Variants in OPRM1 observed in about 807,000 individuals in gnomAD.
OPRM1 encodes the protein mu-type opioid receptor.
Under a neutral mutation model 31.8 loss-of-function variants are expected in OPRM1, and 27 were observed. That is an observed-to-expected ratio of 0.85 (90% CI 0.63 to 1.17). The LOEUF (loss-of-function observed/expected upper bound fraction) is 1.17, where lower values mean the gene tolerates loss of function less well. Ranked by LOEUF, OPRM1 falls within the 50% of genes most tolerant of loss-of-function variation. OPRM1 has a pLI of 0.00. For missense variants in OPRM1, 536 were observed against 511.1 expected, an observed-to-expected ratio of 1.05 and a Z score of -0.47; for synonymous variants, 196 against 189.9, an observed-to-expected ratio of 1.03 and a Z score of -0.26.
intron 3 of OPRM1, among the ~76,000 whole-genome samples, chr6:154,161,649 A>G (rs1361407657): frequency 6.6e-6 from 1 of 152,152 alleles, no homozygotes; most frequent in Non-Finnish European, 1.5e-5. Context: ...GCCCTCTGAG[A>G]ACTTACCGAG....
chr6:154,229,403 G>A (rs1197004168), intron 3 of OPRM1, among the ~76,000 whole-genome samples: 1 of 135,750 alleles, frequency 7.4e-6, no homozygotes, highest in Non-Finnish European at 1.5e-5. Flanking sequence ...AGGCTGGACT[G>A]CAGTGGCGCG....
In OPRM1 at chr6:154,055,096, T is replaced by C. The variant is rs1782977260; in HGVS notation, c.290+15262T>C. 2.0e-5 allele frequency among the ~76,000 whole-genome samples: 3 copies of C among 152,320 alleles called. No homozygotes were observed. The South Asian group carries it at 6.2e-4, about 32-fold the overall frequency. On this transcript the variant is annotated intron_variant, in intron 1 of 3. Coordinates refer to ENST00000330432, the MANE Select transcript of OPRM1 (RefSeq NM_000914.5). ...ATATGTGGTCAACTCTAAAGTGCTCTGTAAAGCTTGGCTGGGCGCATTGGC... is the reference window on the plus strand; with the variant it reads ...ATATGTGGTCAACTCTAAAGTGCTCCGTAAAGCTTGGCTGGGCGCATTGGC...
chr6:154,180,416 T>TATATA lies in OPRM1; in HGVS notation c.1165-66277_1165-66276insATATA, dbSNP rs1562526757. Among the ~76,000 whole-genome samples the TATATA allele has an allele frequency of 1.7e-3, 89 of 51,090 alleles. 1 individual carries two copies. In the Middle Eastern group the frequency reaches 0.035, roughly 20 times the overall value. The allele number at this position is 51,090 out of a possible 152,430, so 33.5% of individuals were successfully genotyped here. ...TATATATATATATATATATATATAT[T>TATATA]TTTTTTTTAAACATGATCCTTCTTG... On this transcript the variant is annotated intron_variant, in intron 3 of 3. Transcript: ENST00000337049.
chr6:154,197,694 C>G (rs969696160), intron 3 of OPRM1, among the ~76,000 whole-genome samples: 1 of 152,228 alleles, frequency 6.6e-6, no homozygotes, highest in African/African-American at 2.4e-5. Context: ...GGAACAAGGA[C>G]TGTTGCATCT....
chr6:154,245,864 T>A (rs1780992834), intron 3 of OPRM1, among the ~76,000 whole-genome samples: 1 of 152,214 alleles, frequency 6.6e-6, no homozygotes, highest in Admixed American at 6.5e-5. Flanking sequence ...TCACGAAAGA[T>A]CAGCACACTT....
chr6:154,048,346 T>C (rs539482555), intron 1 of OPRM1, among the ~76,000 whole-genome samples: 3 of 152,326 alleles, frequency 2.0e-5, no homozygotes, highest in South Asian at 2.1e-4. Flanking sequence ...TCAAAATGTT[T>C]CTTGTTCTTC....
intron 3 of OPRM1, among the ~76,000 whole-genome samples, chr6:154,169,250 A>T (rs1390396550): frequency 6.6e-6 from 1 of 152,112 alleles, no homozygotes; most frequent in East Asian, 1.9e-4. Context: ...CATCCCAGCT[A>T]CTCAGGAGAC....
chr6:154,117,781 G>A (rs1450140306), intron 3 of OPRM1, among the ~76,000 whole-genome samples: 1 of 151,728 alleles, frequency 6.6e-6, no homozygotes, highest in African/African-American at 2.4e-5. Context: ...AAGTGAGAAT[G>A]ACCTAATCTG....
chr6:154,142,561 A>G (rs1798246454), intron 3 of OPRM1, among the ~76,000 whole-genome samples: 1 of 151,924 alleles, frequency 6.6e-6, no homozygotes. Flanking sequence ...GGGGCACTAG[A>G]CTCCAGTAGT....
chr6:154,039,092 AT>A (rs1779506509), upstream of OPRM1: 1 of 1,475,974 alleles, frequency 6.8e-7, no homozygotes, highest in Non-Finnish European at 9.0e-7. Flanking sequence ...CCCCTTTCTT[AT>A]TTTTCACTGC....
chr6:154,069,850 C>T (rs985242452), intron 1 of OPRM1, among the ~76,000 whole-genome samples: 3 of 152,268 alleles, frequency 2.0e-5, no homozygotes, highest in African/African-American at 4.8e-5. Flanking sequence ...CTGGCCTGTG[C>T]CTCTCCCTCG....
chr6:154,092,507 T>G (rs1206061807), intron 3 of OPRM1, among the ~76,000 whole-genome samples: 3 of 151,998 alleles, frequency 2.0e-5, no homozygotes, highest in Non-Finnish European at 4.4e-5. Flanking sequence ...GTTCCTAGAG[T>G]CAGGCGTCAG....
chr6:154,175,568 C>G (rs945967749), intron 3 of OPRM1, among the ~76,000 whole-genome samples: 1 of 152,088 alleles, frequency 6.6e-6, no homozygotes, highest in Non-Finnish European at 1.5e-5. Flanking sequence ...ACTAGAAAAT[C>G]TAGAAGAAAC....
At chr6:154,013,115 A>G (rs756051647) in intron 1 of OPRM1, among the ~76,000 whole-genome samples, 1 of 152,164 alleles carries the variant, frequency 6.6e-6, no homozygotes, top group Non-Finnish European at 1.5e-5. Context: ...TAGGCCTGCC[A>G]AAAAGAGGAA....
In OPRM1 at chr6:154,122,754, A is replaced by G. The variant is rs1359505496; in HGVS notation, c.*4033A>G. 6.6e-6 allele frequency among the ~76,000 whole-genome samples: 1 copy of G among 152,186 alleles called. No individual in the cohort carries two copies. Among genetic ancestry groups the G allele is most frequent in the Admixed American group, 6.5e-5 (1 of 15,268 alleles). On this transcript the variant is annotated 3_prime_UTR_variant, in exon 4 of 4. Coordinates refer to ENST00000330432, the MANE Select transcript of OPRM1 (RefSeq NM_000914.5). ...TGCAATATCACCCATATCAAATACC[A>G]TTCTTAAAGCAGTAGACAGATGAGT... is the stretch of plus-strand genomic sequence containing the variant.
At chr6:154,098,397 T>G (rs1335212692) in intron 3 of OPRM1, among the ~76,000 whole-genome samples, 1 of 152,252 alleles carries the variant, frequency 6.6e-6, no homozygotes, top group Non-Finnish European at 1.5e-5. Context: ...GGTGAATTGC[T>G]ATTTTACAGC....
chr6:154,071,312 A>G (rs1483762518), intron 1 of OPRM1, among the ~76,000 whole-genome samples: 1 of 152,186 alleles, frequency 6.6e-6, no homozygotes, highest in Non-Finnish European at 1.5e-5. Flanking sequence ...CCTGCTACAG[A>G]TAGATGCTGG....
chr6:154,021,698 A>G (rs1778374391), intron 1 of OPRM1, among the ~76,000 whole-genome samples: 1 of 152,204 alleles, frequency 6.6e-6, no homozygotes, highest in African/African-American at 2.4e-5. Flanking sequence ...TAAGTATTTA[A>G]CTTGGGGGAA....
At chr6:154,221,370 T>G in intron 3 of OPRM1, 1 of 1,501,162 alleles carries the variant, frequency 6.7e-7, no homozygotes, top group Non-Finnish European at 9.3e-7. Context: ...AATTAGTGTT[T>G]ATAGTCAACA....
Sources: allele counts gnomAD v4.1 joint callset (sites outside exome capture counted in the v4.1 genomes callset), GRCh38; gene constraint gnomAD v4.1.1; transcripts MANE v1.5; gene names NCBI Gene and HGNC (gene_info 2026-07-23, HGNC 2026-07-21).